NAPB: variants seen among roughly 807,000 people sequenced by gnomAD.
The protein encoded by NAPB is beta-soluble NSF attachment protein.
Under a neutral mutation model 44.7 loss-of-function variants are expected in NAPB, and 26 were observed. The observed-to-expected ratio is 0.58, with a 90% CI of 0.43 to 0.81. The LOEUF is 0.81. Ranked by LOEUF, NAPB falls within the 30% of genes least tolerant of loss-of-function variation. The pLI, the probability that NAPB is intolerant of heterozygous loss-of-function variation, is 0.00. For synonymous variants in NAPB, 120 were observed against 116.8 expected, an observed-to-expected ratio of 1.03 and a Z score of -0.18; for missense variants, 315 against 356.4, an observed-to-expected ratio of 0.88 and a Z score of 0.94.
At chr20:23,406,047 G>A (rs1985231450) in intron 1 of NAPB, among the ~76,000 whole-genome samples, 1 of 152,100 alleles carries the variant, frequency 6.6e-6, no homozygotes, top group East Asian at 1.9e-4. Flanking sequence ...AATGTATTAA[G>A]GCCACTAATA....
chr20:23,412,929 G>A (rs2123256686), intron 1 of NAPB, among the ~76,000 whole-genome samples: 1 of 152,300 alleles, frequency 6.6e-6, no homozygotes, highest in Non-Finnish European at 1.5e-5. Flanking sequence ...CTGGGAGGTG[G>A]AGGTTGCAGT....
chr20:23,399,170 T>G (rs1401953411), intron 2 of NAPB, among the ~76,000 whole-genome samples: 1 of 151,936 alleles, frequency 6.6e-6, no homozygotes. Flanking sequence ...TTAAAAAGAG[T>G]ACCCAGGCAT....
At chr20:23,379,673 C>T (rs1455899576) in intron 9 of NAPB, 178 bp from the exon 10 acceptor site, 2 of 662,262 alleles carry the variant, frequency 3.0e-6, no homozygotes, top group African/African-American at 3.7e-5. Context: ...TCTCAGGTGC[C>T]TATTTCAGAA....
At chr20:23,397,009 G>C in intron 3 of NAPB, 63 bp downstream of exon 3, 2 of 1,521,084 alleles carry the variant, frequency 1.3e-6, no homozygotes, top group South Asian at 2.5e-5. Context: ...CCTTAACGTT[G>C]AGGGAAGTAC....
chr20:23,375,576 G>A lies in NAPB; in HGVS notation c.*1800C>T, dbSNP rs1316707023. The stretch of plus-strand genomic sequence containing the variant: ...TTTTCATAAGAGATTCTAAGAGGGA[G>A]TGAAAAAGTACCAACTGGACTCCAT... On this transcript the variant is annotated 3_prime_UTR_variant, in exon 11 of 11. Coordinates refer to ENST00000377026, the MANE Select transcript of NAPB (RefSeq NM_022080.3). 1.3e-5 allele frequency: 2 copies of A among 152,206 alleles called. No individual in the cohort carries two copies. The highest frequency in any genetic ancestry group is 4.8e-5 in the African/African-American group (2 of 41,456). The allele number at this position is 152,206 out of a possible 1,614,324, so 9.4% of individuals were successfully genotyped here. A position where few individuals can be genotyped will look rare whatever the true frequency, so the allele number is the denominator to read the frequency against.
intron 3 of NAPB, among the ~76,000 whole-genome samples, chr20:23,395,648 G>C (rs986013131): frequency 6.6e-6 from 1 of 152,102 alleles, no homozygotes; most frequent in African/African-American, 2.4e-5. Flanking sequence ...GCAGCCAAAA[G>C]CAAAAGCACT....
rs114734187 is a variant in NAPB at position 23,390,177 on chromosome 20, C to T, written c.476+32G>A. On this transcript the variant is annotated intron_variant, in intron 6 of 10. Transcript: ENST00000377026. ...TTTTTTTATCACACATAATAAAACC[C>T]ATTAAATCATATTAAGAAAAGTAAT... The T allele has an allele frequency of 7.2e-4, 1,118 of 1,562,388 alleles. 11 individuals carry two copies. The African/African-American group carries it at 0.014, about 19-fold the overall frequency.
intron 1 of NAPB, among the ~76,000 whole-genome samples, chr20:23,420,727 CT>C (rs1407565999): frequency 1.3e-5 from 2 of 152,118 alleles, no homozygotes; most frequent in Non-Finnish European, 2.9e-5. Flanking sequence ...CGCTGACCTT[CT>C]AGGTCGTGGG....
Position 23,379,492 on chromosome 20 carries a change from G to C in NAPB, c.739C>G (p.Leu247Val). 6.2e-7 allele frequency: 1 copy of C among 1,604,726 alleles called. No individual in the cohort carries two copies. The highest frequency in any genetic ancestry group is 8.5e-7 in the Non-Finnish European group (1 of 1,176,744). The change falls in exon 10 of 11, where the codon CTC becomes GTC. Residue 247 changes from leucine to valine, a missense_variant. Coordinates refer to ENST00000377026, the MANE Select transcript of NAPB (RefSeq NM_022080.3). ...TTCTGTTCTTCATGAGCTTCTAGGA[G>C]TTTCTGGTAGCATAAAAATATTTTA... ...DSRECKLLKK[L>V]LEAHEEQNSE...
In NAPB at chr20:23,377,813, A is replaced by C. The variant is rs78429684; in HGVS notation, c.787-327T>G. Reference sequence around the variant, plus strand: ...ATAAAAATTTGAAAGGAATATGGAAAATTAATACTCACTGAACATGGGAAA... The same window carrying C: ...ATAAAAATTTGAAAGGAATATGGAACATTAATACTCACTGAACATGGGAAA... On this transcript the variant is annotated intron_variant, in intron 10 of 10. Transcript: ENST00000377026. 6.1e-3 allele frequency among the ~76,000 whole-genome samples: 931 copies of C among 152,360 alleles called. 23 individuals carry two copies. The East Asian group carries it at 0.093, about 15-fold the overall frequency.
At chr20:23,401,605 G>C (rs1984855625) in intron 2 of NAPB, among the ~76,000 whole-genome samples, 1 of 152,196 alleles carries the variant, frequency 6.6e-6, no homozygotes, top group Admixed American at 6.5e-5. Context: ...TCTCAGCCGG[G>C]CACAGTGGTT....
rs191584787 is a variant in NAPB, at chr20:23,377,069, G to A, written c.*307C>T. ...TCCAACAAAAAGGACATAAAAACAC[G>A]TGGCAACATTAAACATAGGCTCCAC... On this transcript the variant is annotated 3_prime_UTR_variant, in exon 11 of 11. Transcript: ENST00000377026. 7 of 179,838 alleles carry A rather than the reference G, an allele frequency of 3.9e-5. No individual in the cohort carries two copies. In the East Asian group the frequency reaches 6.9e-4, roughly 18 times the overall value. 11.1% of individuals were successfully genotyped at this position (179,838 alleles called of 1,614,324 possible).
chr20:23,394,610 C>T (rs1169373769), intron 5 of NAPB, among the ~76,000 whole-genome samples: 1 of 152,206 alleles, frequency 6.6e-6, no homozygotes, highest in African/African-American at 2.4e-5. Flanking sequence ...ACACTTTCTT[C>T]ACTGGGCCTT....
In NAPB at chr20:23,375,709, T is replaced by C. The variant is rs569906913; in HGVS notation, c.*1667A>G. ...TCTAGGGCCCAACAGACAGAGTGTC[T>C]TCATTGCCACCCCCAGTAGTGGGGA... On this transcript the variant is annotated 3_prime_UTR_variant, in exon 11 of 11. Coordinates refer to ENST00000377026, the MANE Select transcript of NAPB (RefSeq NM_022080.3). The C allele has an allele frequency of 6.6e-6, 1 of 152,226 alleles. No homozygotes were observed. Among genetic ancestry groups the C allele is most frequent in the Admixed American group, 6.5e-5 (1 of 15,302 alleles). 9.4% of individuals were successfully genotyped at this position (152,226 alleles called of 1,614,324 possible).
At chr20:23,411,832 G>A (rs982665607) in intron 1 of NAPB, among the ~76,000 whole-genome samples, 86 of 152,212 alleles carry the variant, frequency 5.7e-4, no homozygotes, top group Non-Finnish European at 1.1e-3. Flanking sequence ...AATAAAAAAA[G>A]AGACATGAAG....
At chr20:23,418,946 C>T (rs982814963) in intron 1 of NAPB, among the ~76,000 whole-genome samples, 6 of 141,458 alleles carry the variant, frequency 4.2e-5, no homozygotes, top group African/African-American at 1.6e-4. Context: ...GACTCCGTCT[C>T]AAAAAAAAAA....
At position 23,390,251 on chromosome 20, in the gene NAPB, T is replaced by C. The variant is rs764756938; in HGVS notation, c.434A>G (p.Tyr145Cys). 5.6e-6 allele frequency: 9 copies of C among 1,610,954 alleles called. No homozygotes were observed. Among genetic ancestry groups the C allele is most frequent in the Non-Finnish European group, 7.6e-6 (9 of 1,177,118 alleles). Residue 145 changes from tyrosine to cysteine, a missense_variant, in exon 6 of 11, where the codon TAT (tyrosine) becomes TGT (cysteine). Physicochemically the swap from Tyr to Cys is radical, Grantham distance 194. Transcript: ENST00000377026. ...LVDIEKAIAH[Y>C]EQSADYYKGE... Reference sequence around the variant, plus strand: ...TTTGTAATAATCAGCAGATTGTTCATAATGTGCAATAGCCTGAAAACATAC... The same window carrying C: ...TTTGTAATAATCAGCAGATTGTTCACAATGTGCAATAGCCTGAAAACATAC...
chr20:23,419,007 G>C (rs999187311), intron 1 of NAPB, among the ~76,000 whole-genome samples: 1 of 151,990 alleles, frequency 6.6e-6, no homozygotes, highest in East Asian at 1.9e-4. Context: ...TTATCTGTTT[G>C]GCCTACTGCT....
intron 1 of NAPB, among the ~76,000 whole-genome samples, chr20:23,410,948 C>T (rs895598792): frequency 6.6e-6 from 1 of 152,006 alleles, no homozygotes; most frequent in Non-Finnish European, 1.5e-5. Flanking sequence ...AATAAAAAGA[C>T]AAAATGATCT....
Sources: allele counts gnomAD v4.1 joint callset (sites outside exome capture counted in the v4.1 genomes callset), GRCh38; gene constraint gnomAD v4.1.1; transcripts MANE v1.5; gene names NCBI Gene and HGNC (gene_info 2026-07-23, HGNC 2026-07-21).